Variants in TSPAN9 observed in about 807,000 individuals in gnomAD.
TSPAN9 encodes the protein tetraspanin-9.
Under a neutral mutation model 31.0 loss-of-function variants are expected in TSPAN9, and 16 were observed. That is an observed-to-expected ratio of 0.52 (90% CI 0.35 to 0.78). The LOEUF (loss-of-function observed/expected upper bound fraction) is 0.78, where lower values mean the gene tolerates loss of function less well. Ranked by LOEUF, TSPAN9 falls within the 30% of genes least tolerant of loss-of-function variation. TSPAN9 has a pLI of 0.01. For missense variants in TSPAN9, 272 were observed against 312.5 expected, an observed-to-expected ratio of 0.87 and a Z score of 0.98; for synonymous variants, 145 against 121.6, an observed-to-expected ratio of 1.19 and a Z score of -1.27.
chr12:3,283,343 C>A lies in TSPAN9; in HGVS notation c.*227C>A. On this transcript the variant is annotated 3_prime_UTR_variant, in exon 9 of 9. Coordinates refer to ENST00000011898, the MANE Select transcript of TSPAN9 (RefSeq NM_006675.5). ...GCTCGGGGCCCCTGGATTCCTGCAT[C>A]TGCATATGCGTATTTGCCAAAGACG... 1.9e-6 allele frequency: 1 copy of A among 536,268 alleles called. No individual in the cohort carries two copies. The highest frequency in any genetic ancestry group is 3.3e-6 in the Non-Finnish European group (1 of 303,662). The allele number at this position is 536,268 out of a possible 1,614,324, so 33.2% of individuals were successfully genotyped here.
intron 2 of TSPAN9, among the ~76,000 whole-genome samples, chr12:3,136,265 A>T (rs1281825663): frequency 1.3e-5 from 2 of 152,150 alleles, no homozygotes; most frequent in Non-Finnish European, 2.9e-5. Flanking sequence ...CCTCCTAATC[A>T]GGTGCAGCTG....
chr12:3,245,244 C>T (rs970111590), intron 3 of TSPAN9, among the ~76,000 whole-genome samples: 6 of 152,216 alleles, frequency 3.9e-5, no homozygotes, highest in African/African-American at 9.7e-5. Flanking sequence ...ACCTGCCAGC[C>T]GGTGGAGCAG....
intron 2 of TSPAN9, among the ~76,000 whole-genome samples, chr12:3,087,197 A>G (rs2153962379): frequency 6.6e-6 from 1 of 152,300 alleles, no homozygotes; most frequent in South Asian, 2.1e-4. Flanking sequence ...TTTGGCACTC[A>G]GTGGAGGGGC....
intron 2 of TSPAN9, among the ~76,000 whole-genome samples, chr12:3,157,185 C>T (rs1330504652): frequency 2.0e-5 from 3 of 151,790 alleles, no homozygotes; most frequent in Admixed American, 6.6e-5. Context: ...CTGCAAGCTC[C>T]GCCTCCTGGG....
At chr12:3,211,235 C>T (rs963879397) in intron 3 of TSPAN9, among the ~76,000 whole-genome samples, 1 of 152,022 alleles carries the variant, frequency 6.6e-6, no homozygotes, top group African/African-American at 2.4e-5. Context: ...CTGATTTTTC[C>T]TCCATAGCTC....
chr12:3,237,183 G>A (rs1461761305), intron 3 of TSPAN9, among the ~76,000 whole-genome samples: 1 of 151,970 alleles, frequency 6.6e-6, no homozygotes, highest in Non-Finnish European at 1.5e-5. Context: ...TTGGGCCACG[G>A]GGTCATTGTA....
intron 2 of TSPAN9, among the ~76,000 whole-genome samples, chr12:3,184,066 C>T (rs558413905): frequency 1.1e-4 from 17 of 152,242 alleles, no homozygotes; most frequent in African/African-American, 4.1e-4. Flanking sequence ...CAAATGATCT[C>T]TGACGGCCCA....
intron 3 of TSPAN9, among the ~76,000 whole-genome samples, chr12:3,266,492 G>A (rs1423003826): frequency 3.3e-5 from 5 of 152,208 alleles, no homozygotes; most frequent in South Asian, 2.1e-4. Flanking sequence ...GCTGTACCAC[G>A]AAGAGCTCCG....
At chr12:3,098,549 G>A (rs1485590814) in intron 2 of TSPAN9, among the ~76,000 whole-genome samples, 2 of 152,190 alleles carry the variant, frequency 1.3e-5, no homozygotes, top group East Asian at 3.8e-4. Flanking sequence ...GACCCACAGA[G>A]CCTGCTGGGG....
At chr12:3,086,584 G>A (rs1178438732) in intron 2 of TSPAN9, among the ~76,000 whole-genome samples, 1 of 150,456 alleles carries the variant, frequency 6.6e-6, no homozygotes, top group African/African-American at 2.5e-5. Flanking sequence ...CGAAGAGTCA[G>A]GAAGCTCAGT....
chr12:3,181,912 A>C (rs1318328948), intron 2 of TSPAN9, among the ~76,000 whole-genome samples: 3 of 152,164 alleles, frequency 2.0e-5, no homozygotes, highest in African/African-American at 7.2e-5. Context: ...CCACAGCCAG[A>C]ATCCAAGCTG....
In TSPAN9 at chr12:3,094,847, CTTTTTT is replaced by C. The variant is rs61154605; in HGVS notation, c.-18+11145_-18+11150del. 3.5e-3 allele frequency among the ~76,000 whole-genome samples: 359 copies of C among 101,930 alleles called. 4 individuals carry two copies. In the East Asian group the frequency reaches 0.042, roughly 12 times the overall value. 66.9% of individuals were successfully genotyped at this position (101,930 alleles called of 152,430 possible). On this transcript the variant is annotated intron_variant, in intron 2 of 8. Coordinates refer to ENST00000011898, the MANE Select transcript of TSPAN9 (RefSeq NM_006675.5). ...AACACGCCCGGCAAAAATCAATAAT[CTTTTTT>C]TTTTTTTTTTTTTTTTGTTTTTAAA...
At chr12:3,217,590 C>T (rs2098382020) in intron 3 of TSPAN9, among the ~76,000 whole-genome samples, 2 of 152,162 alleles carry the variant, frequency 1.3e-5, no homozygotes, top group East Asian at 1.9e-4. Flanking sequence ...CCATATTACT[C>T]CCTTTCACTT....
chr12:3,205,721 C>A (rs148051341), intron 3 of TSPAN9, among the ~76,000 whole-genome samples: 27,664 of 101,416 alleles, frequency 0.27, 3,191 homozygotes, highest in Non-Finnish European at 0.4. Flanking sequence ...CACTTAGGCC[C>A]CCCCCCCCCA....
intron 3 of TSPAN9, among the ~76,000 whole-genome samples, chr12:3,260,759 A>G (rs898528110): frequency 4.6e-5 from 7 of 152,198 alleles, no homozygotes; most frequent in Admixed American, 1.3e-4. Context: ...TGGGCCCTTC[A>G]TGGAAATGAT....
chr12:3,245,446 A>T (rs1039889128), intron 3 of TSPAN9, among the ~76,000 whole-genome samples: 3 of 152,294 alleles, frequency 2.0e-5, no homozygotes. Context: ...TGTGTGCTGC[A>T]AAGGAGGGAA....
intron 7 of TSPAN9, 97 bp from the exon 8 acceptor site, chr12:3,281,637 G>A (rs79997404): frequency 0.052 from 73,100 of 1,392,580 alleles, 2,251 homozygotes; most frequent in Non-Finnish European, 0.06. Context: ...GGAGGTAAGA[G>A]CGAGGACGAG....
intron 3 of TSPAN9, among the ~76,000 whole-genome samples, chr12:3,258,827 T>C (rs896037584): frequency 6.6e-5 from 10 of 152,192 alleles, no homozygotes; most frequent in African/African-American, 2.4e-4. Flanking sequence ...ACAATGCGAA[T>C]GTATTCATGG....
At chr12:3,134,060 G>A (rs867316758) in intron 2 of TSPAN9, among the ~76,000 whole-genome samples, 17 of 152,282 alleles carry the variant, frequency 1.1e-4, no homozygotes, top group Middle Eastern at 3.4e-3. Context: ...TTGCCGTCCC[G>A]ATCTTGCAGG....
Sources: gnomAD v4.1 joint callset for allele counts (sites outside exome capture counted in the v4.1 genomes callset) on GRCh38, gnomAD v4.1.1 for gene constraint, MANE v1.5 for transcripts, NCBI Gene and HGNC (gene_info 2026-07-23, HGNC 2026-07-21) for gene names.